The following ADAMTS9 variants were observed in gnomAD, a reference collection of about 807,000 sequenced individuals.
The protein encoded by ADAMTS9 is A disintegrin and metalloproteinase with thrombospondin motifs 9.
In ADAMTS9, 107 loss-of-function variants were observed where a neutral mutation model predicts 257.1. That is an observed-to-expected ratio of 0.42 (90% CI 0.36 to 0.49). ADAMTS9 has a LOEUF of 0.49. Ranked by LOEUF, ADAMTS9 falls within the 20% of genes least tolerant of loss-of-function variation. ADAMTS9 has a pLI of 0.03. For synonymous variants in ADAMTS9, 982 were observed against 880.9 expected (o/e 1.11, Z -2.03); for missense variants, 2,353 against 2,469.1 (o/e 0.95, Z 1.00).
At chr3:64,671,092 A>G (rs1701474435) in intron 3 of ADAMTS9, among the ~76,000 whole-genome samples, 1 of 152,224 alleles carries the variant, frequency 6.6e-6, no homozygotes, top group Admixed American at 6.5e-5. Context: ...CTGTATGCAA[A>G]TGTTTATAGT....
rs186584062 is a variant in ADAMTS9 at position 64,536,973 on chromosome 3, C to T, written c.5613+2230G>A. Among the ~76,000 whole-genome samples the T allele has an allele frequency of 5.3e-5, 8 of 152,304 alleles. No homozygotes were observed. In the East Asian group the frequency reaches 1.5e-3, roughly 29 times the overall value. ...CATTCTGCTTTGATTTCTGTGCAAT[C>T]ACTAGGTCAAAGGCTGAACCACCTA... is the stretch of plus-strand genomic sequence containing the variant. On this transcript the variant is annotated intron_variant, in intron 37 of 39. Transcript: ENST00000498707.
intron 11 of ADAMTS9, among the ~76,000 whole-genome samples, chr3:64,646,892 C>T (rs547561746): frequency 6.6e-6 from 1 of 152,096 alleles, no homozygotes; most frequent in East Asian, 1.9e-4. Flanking sequence ...TGACTGTGGA[C>T]AAGTTACTCA....
chr3:64,613,380 C>G lies in ADAMTS9; in HGVS notation c.3319G>C (p.Glu1107Gln). 1 of 1,613,878 alleles carries G rather than the reference C, an allele frequency of 6.2e-7. No individual in the cohort carries two copies. The highest frequency in any genetic ancestry group is 1.3e-5 in the African/African-American group (1 of 75,032). The change falls in exon 22 of 40, where the codon GAA becomes CAA. Residue 1107 changes from glutamate (E) to glutamine (Q), a missense_variant. Glu to Gln is a conservative substitution (Grantham distance 29). Transcript: ENST00000498707. ...GGACCCGCCTGCCAGGATGCACATT[C>G]CGGCTGCTGACAAGTCTGCATAGAT... ...PTSMQTCQQP[E>Q]CASWQAGPWG...
At chr3:64,517,522 G>C (rs1035696500) in intron 39 of ADAMTS9, among the ~76,000 whole-genome samples, 1 of 135,690 alleles carries the variant, frequency 7.4e-6, no homozygotes, top group Non-Finnish European at 1.5e-5. Context: ...GCCTCCTAAA[G>C]TGCTGGCATT....
intron 3 of ADAMTS9, among the ~76,000 whole-genome samples, chr3:64,659,760 T>C (rs1427981160): frequency 2.0e-5 from 3 of 152,196 alleles, no homozygotes; most frequent in Non-Finnish European, 4.4e-5. Context: ...GACCATGATT[T>C]ATAATGTCAG....
At chr3:64,654,277 T>C (rs1701002064) in intron 8 of ADAMTS9, 76 bp downstream of exon 8, 1 of 1,416,232 alleles carries the variant, frequency 7.1e-7, no homozygotes, top group African/African-American at 1.4e-5. Context: ...GAAAGTCAAG[T>C]AAATGCTCAC....
chr3:64,553,926 A>G (rs1179238059), intron 30 of ADAMTS9, among the ~76,000 whole-genome samples: 2 of 152,022 alleles, frequency 1.3e-5, no homozygotes, highest in East Asian at 3.9e-4. Flanking sequence ...AAAAGGTGAG[A>G]TAGAGGGCCA....
intron 22 of ADAMTS9, among the ~76,000 whole-genome samples, chr3:64,612,044 A>T (rs1229422123): frequency 6.6e-6 from 1 of 152,220 alleles, no homozygotes; most frequent in African/African-American, 2.4e-5. Flanking sequence ...AATCATAAAC[A>T]TGTTAGCAAC....
In ADAMTS9 at chr3:64,616,020, G is replaced by A; in HGVS notation, c.2964C>T (p.Asn988=). Residue 988 remains asparagine (N), a synonymous_variant, in exon 20 of 40, where the codon AAC becomes AAT. Coordinates refer to ENST00000498707, the MANE Select transcript of ADAMTS9 (RefSeq NM_182920.2). ...GFCSSHPKPS[N]REKCSGECNT... ...TACATTCCCCTGAGCATTTTTCACGGTTGCTTGGTTTGGGATGGCTGCTGC... is the reference window on the plus strand; with the variant it reads ...TACATTCCCCTGAGCATTTTTCACGATTGCTTGGTTTGGGATGGCTGCTGC... 6.2e-7 allele frequency: 1 copy of A among 1,613,974 alleles called. No individual in the cohort carries two copies. Among genetic ancestry groups the A allele is most frequent in the Non-Finnish European group, 8.5e-7 (1 of 1,179,978 alleles).
rs1307904294 is a variant in ADAMTS9 at position 64,621,223 on chromosome 3, G to C, written c.2704C>G (p.Leu902Val). ...TGATCAGATTCCCTGGTGCAAACAA[G>C]TTTTCGTTTCCGTTCCCCTAAGCAG... ...KPCQGERKRK[L>V]VCTRESDQLT... Residue 902 changes from leucine to valine, a missense_variant, in exon 19 of 40, where the codon CTT becomes GTT. Leu to Val is a conservative substitution (Grantham distance 32, BLOSUM62 1). This residue lies in a region of ADAMTS9 where 1,402 missense variants were observed against 1,441.4 expected (regional missense o/e 0.97). Transcript: ENST00000498707. 2 of 1,613,232 alleles carry C rather than the reference G, an allele frequency of 1.2e-6. No homozygotes were observed. Among genetic ancestry groups the C allele is most frequent in the East Asian group, 2.2e-5 (1 of 44,790 alleles).
intron 16 of ADAMTS9, among the ~76,000 whole-genome samples, chr3:64,622,990 A>G (rs6782866): frequency 0.24 from 36,073 of 152,088 alleles, 4,695 homozygotes; most frequent in Non-Finnish European, 0.27. Flanking sequence ...TCCTAGACAA[A>G]TCTATATATA....
chr3:64,605,935 C>G (rs1377250383), intron 23 of ADAMTS9, among the ~76,000 whole-genome samples: 1 of 152,188 alleles, frequency 6.6e-6, no homozygotes, highest in Non-Finnish European at 1.5e-5. Context: ...CTGATTCTCA[C>G]AGAATACATT....
At chr3:64,641,426 C>T (rs1049455046) in intron 12 of ADAMTS9, among the ~76,000 whole-genome samples, 3 of 150,060 alleles carry the variant, frequency 2.0e-5, no homozygotes, top group Non-Finnish European at 4.4e-5. Flanking sequence ...CCCATTAACT[C>T]GTCATTTAGC....
At chr3:64,534,602 T>G (rs1317430070) in intron 37 of ADAMTS9, among the ~76,000 whole-genome samples, 1 of 152,190 alleles carries the variant, frequency 6.6e-6, no homozygotes, top group Admixed American at 6.5e-5. Context: ...CAATGCCAGT[T>G]CCATAAATAT....
intron 16 of ADAMTS9, among the ~76,000 whole-genome samples, chr3:64,628,096 C>G (rs547305931): frequency 6.6e-6 from 1 of 152,290 alleles, no homozygotes; most frequent in African/African-American, 2.4e-5. Flanking sequence ...TCATTTGCTT[C>G]TAGAGAGACT....
intron 10 of ADAMTS9, 58 bp from the exon 11 acceptor site, chr3:64,648,102 A>G: frequency 1.3e-6 from 2 of 1,505,322 alleles, no homozygotes; most frequent in Non-Finnish European, 1.8e-6. Flanking sequence ...GCAGTATCAA[A>G]CAAAGCAAAG....
chr3:64,615,927 C>G, intron 20 of ADAMTS9, 33 bp downstream of exon 20: 1 of 1,611,230 alleles, frequency 6.2e-7, no homozygotes, highest in Non-Finnish European at 8.5e-7. Context: ...CAGACAGCAT[C>G]CAAGAAGACT....
At chr3:64,609,510 A>T (rs9858793) in intron 22 of ADAMTS9, among the ~76,000 whole-genome samples, 39,855 of 150,272 alleles carry the variant, frequency 0.27, 6,779 homozygotes, top group East Asian at 0.56. Context: ...AAGTAAATTT[A>T]AAAAAAAAAA....
At chr3:64,642,036 G>A in intron 11 of ADAMTS9, 43 bp from the exon 12 acceptor site, 1 of 1,609,452 alleles carries the variant, frequency 6.2e-7, no homozygotes, top group South Asian at 1.1e-5. Flanking sequence ...TTGGCGCTGT[G>A]AGTTGTTACA....
Sources: gnomAD v4.1 joint callset for allele counts (sites outside exome capture counted in the v4.1 genomes callset) on GRCh38, gnomAD v4.1.1 for gene constraint, gnomAD v4.1.1 regional missense constraint, MANE v1.5 for transcripts, NCBI Gene and HGNC (gene_info 2026-07-23, HGNC 2026-07-21) for gene names.